The following MYO6 variants were observed in gnomAD, a reference collection of about 807,000 sequenced individuals.
MYO6 encodes myosin VI, also known as unconventional myosin-VI.
In MYO6, 74 loss-of-function variants were observed where a neutral mutation model predicts 178.7. That is an observed-to-expected ratio of 0.41 (90% CI 0.34 to 0.50). The LOEUF (loss-of-function observed/expected upper bound fraction) is 0.50. Among genes scored for constraint, MYO6 ranks in the 20% least tolerant of loss-of-function variants. The pLI is 0.09. For missense variants in MYO6, 1,330 were observed against 1,547.4 expected (o/e 0.86, Z 2.36); for synonymous variants, 477 against 504.6 (o/e 0.95, Z 0.73).
intron 29 of MYO6, among the ~76,000 whole-genome samples, chr6:75,896,614 A>G (rs761871800): frequency 1.2e-4 from 18 of 152,222 alleles, no homozygotes; most frequent in Non-Finnish European, 1.8e-4. Context: ...CATGTAAAAT[A>G]TGTGTTTGTA....
intron 1 of MYO6, among the ~76,000 whole-genome samples, chr6:75,765,253 T>C (rs1475063398): frequency 7.7e-6 from 1 of 130,156 alleles, no homozygotes; most frequent in Non-Finnish European, 1.6e-5. Context: ...CTCAGCTCAC[T>C]GCAACCTCCA....
chr6:75,881,460 A>G (rs1190527674), intron 22 of MYO6, among the ~76,000 whole-genome samples: 1 of 125,706 alleles, frequency 8.0e-6, no homozygotes, highest in African/African-American at 3.0e-5. Context: ...TATGCTACCT[A>G]GCATTAAGTA....
intron 29 of MYO6, among the ~76,000 whole-genome samples, chr6:75,895,707 G>A (rs1398476237): frequency 2.6e-5 from 4 of 151,710 alleles, no homozygotes; most frequent in African/African-American, 7.3e-5. Flanking sequence ...TAGTAGAGAC[G>A]GGGTTTCACC....
intron 32 of MYO6, among the ~76,000 whole-genome samples, chr6:75,911,195 TAAAAA>T (rs1780729986): frequency 6.6e-6 from 1 of 151,968 alleles, no homozygotes; most frequent in Non-Finnish European, 1.5e-5. Context: ...GTTTATAAAA[TAAAAA>T]TGGCATGAGT....
chr6:75,800,054 A>G (rs1162012144), intron 1 of MYO6, among the ~76,000 whole-genome samples: 1 of 152,098 alleles, frequency 6.6e-6, no homozygotes, highest in Non-Finnish European at 1.5e-5. Flanking sequence ...TTAGGATGAA[A>G]AATACTAATT....
At position 75,883,239 on chromosome 6, in the gene MYO6, GA is replaced by G. The variant is rs956245952; in HGVS notation, c.2416+1431del. On this transcript the variant is annotated intron_variant, in intron 23 of 34. Coordinates refer to ENST00000369977, the MANE Select transcript of MYO6 (RefSeq NM_004999.4). ...TTAAGATAGTGAAAATAAAAACAAAGAAAAAAAAAACACCCAAAACTAAAAA... is the reference window on the plus strand; with the variant it reads ...TTAAGATAGTGAAAATAAAAACAAAGAAAAAAAAACACCCAAAACTAAAAA... Among the ~76,000 whole-genome samples, 609 of 139,816 alleles carry G rather than the reference GA, an allele frequency of 4.4e-3. 6 individuals are homozygous for G. Among genetic ancestry groups the G allele is most frequent in the African/African-American group, 0.015 (572 of 38,144 alleles). 91.7% of individuals were successfully genotyped at this position (139,816 alleles called of 152,430 possible).
intron 11 of MYO6, among the ~76,000 whole-genome samples, chr6:75,849,421 G>T (rs1283400194): frequency 6.6e-6 from 1 of 152,152 alleles, no homozygotes; most frequent in Non-Finnish European, 1.5e-5. Context: ...AATGGGCTTT[G>T]GTGTTAGATC....
rs188752234 is a variant in MYO6 at position 75,843,747 on chromosome 6, A to G, written c.817-1150A>G. Among the ~76,000 whole-genome samples the G allele has an allele frequency of 3.0e-4, 45 of 150,798 alleles. 2 individuals are homozygous for G. In the East Asian group the frequency reaches 6.2e-3, roughly 21 times the overall value. On this transcript the variant is annotated intron_variant, in intron 9 of 34. Transcript: ENST00000369977. ...CCCTTCTCTTTTATTTTTTTCCCAAAGATTCTAGGGTGGAAGAAAAAAAAA... is the reference window on the plus strand; with the variant it reads ...CCCTTCTCTTTTATTTTTTTCCCAAGGATTCTAGGGTGGAAGAAAAAAAAA...
chr6:75,754,908 T>C (rs1162788615), intron 1 of MYO6, among the ~76,000 whole-genome samples: 1 of 152,198 alleles, frequency 6.6e-6, no homozygotes, highest in Non-Finnish European at 1.5e-5. Context: ...ATTCCTTTTC[T>C]ACAGGTAAGG....
At chr6:75,861,323 G>T (rs1011210005) in intron 15 of MYO6, among the ~76,000 whole-genome samples, 4 of 152,150 alleles carry the variant, frequency 2.6e-5, no homozygotes, top group African/African-American at 9.7e-5. Context: ...TTTGAAGGAT[G>T]TTTTCCTATT....
intron 10 of MYO6, among the ~76,000 whole-genome samples, chr6:75,847,581 G>A (rs1004818935): frequency 6.6e-6 from 1 of 151,848 alleles, no homozygotes; most frequent in Non-Finnish European, 1.5e-5. Context: ...GTTCTTTTAG[G>A]AGAGAAAACA....
At position 75,898,411 on chromosome 6, in the gene MYO6, G is replaced by C. The variant is rs202214380; in HGVS notation, c.3176G>C (p.Arg1059Thr). 283 of 1,608,300 alleles carry C rather than the reference G, an allele frequency of 1.8e-4. 1 individual carries two copies. Among genetic ancestry groups the C allele is most frequent in the Middle Eastern group, 3.3e-4 (2 of 6,058 alleles). ...AAAGAAATGTCAGAATTTTTGAGTA[G>C]GTTAGTGCAGTGTAATTGGGGGAAA... ...MAKEMSEFLS[R>T]GPAVLATKAA... Residue 1059 changes from arginine to threonine, a missense_variant and splice_region_variant, in exon 30 of 35, where the codon AGA (arginine) becomes ACA (threonine). By Grantham distance (71) the Arg-to-Thr change is moderately conservative. Around this residue, in one of 3 missense-constraint regions of MYO6, gnomAD observed 601 missense variants for 626.1 expected, o/e 0.96. Transcript: ENST00000369977.
intron 25 of MYO6, 120 bp downstream of exon 25, chr6:75,887,114 C>T (rs1216614754): frequency 2.2e-6 from 2 of 893,440 alleles, no homozygotes; most frequent in Non-Finnish European, 3.5e-6. Flanking sequence ...TGTGTTGAGA[C>T]TCAATGATGG....
rs188645003 is a variant in MYO6 at position 75,796,991 on chromosome 6, T to C, written c.-47-20510T>C. Reference sequence around the variant, plus strand: ...TTTTCTTTATCCAGTCCATTGTTTATGGACACCGAGGTTGATTCCATGTCT... The same window carrying C: ...TTTTCTTTATCCAGTCCATTGTTTACGGACACCGAGGTTGATTCCATGTCT... On this transcript the variant is annotated intron_variant, in intron 1 of 34. Transcript: ENST00000369977. 3.7e-4 allele frequency among the ~76,000 whole-genome samples: 56 copies of C among 152,374 alleles called. 2 individuals carry two copies. Among genetic ancestry groups the C allele is most frequent in the Middle Eastern group, 3.4e-3 (1 of 294 alleles).
At chr6:75,788,056 G>T (rs1177778982) in intron 1 of MYO6, among the ~76,000 whole-genome samples, 1 of 151,394 alleles carries the variant, frequency 6.6e-6, no homozygotes, top group East Asian at 1.9e-4. Flanking sequence ...CACCATGCCC[G>T]GCCTATTCTG....
chr6:75,810,818 A>C (rs1208246476), intron 1 of MYO6, among the ~76,000 whole-genome samples: 1 of 152,230 alleles, frequency 6.6e-6, no homozygotes, highest in Non-Finnish European at 1.5e-5. Context: ...GAGAGGCCTC[A>C]GAGGAGCCTA....
intron 1 of MYO6, among the ~76,000 whole-genome samples, chr6:75,810,939 C>G (rs947641546): frequency 6.6e-6 from 1 of 151,932 alleles, no homozygotes; most frequent in Non-Finnish European, 1.5e-5. Context: ...CCCAGGAGTT[C>G]GAGGCTGCAG....
rs1386504039 is a variant in MYO6, at chr6:75,866,487, T to C, written c.1675-39T>C. On this transcript the variant is annotated intron_variant, in intron 16 of 34. Transcript: ENST00000369977. ...GTAAAGAATGATTATGTAATATATT[T>C]TTGATCATTTAATAACTCATATATG... is the stretch of plus-strand genomic sequence containing the variant. The C allele has an allele frequency of 2.1e-6, 3 of 1,442,236 alleles. No homozygotes were observed. The African/African-American group carries it at 4.2e-5, about 20-fold the overall frequency. 89.3% of individuals were successfully genotyped at this position (1,442,236 alleles called of 1,614,324 possible).
chr6:75,834,537 A>T (rs1773452900), intron 6 of MYO6, among the ~76,000 whole-genome samples: 1 of 152,044 alleles, frequency 6.6e-6, no homozygotes, highest in South Asian at 2.1e-4. Context: ...CTGGCCTTAC[A>T]CTTTGTTTAG....
Sources: allele counts gnomAD v4.1 joint callset (sites outside exome capture counted in the v4.1 genomes callset), GRCh38; gene constraint gnomAD v4.1.1; regional missense constraint gnomAD v4.1.1; transcripts MANE v1.5; gene names NCBI Gene and HGNC (gene_info 2026-07-23, HGNC 2026-07-21).